Variants in GALNT13 observed in about 807,000 individuals in gnomAD.
GALNT13 encodes polypeptide N-acetylgalactosaminyltransferase 13.
GALNT13 carries 28 observed loss-of-function variants against 64.2 expected under a neutral mutation model. The observed-to-expected ratio is 0.44, with a 90% CI of 0.32 to 0.60. GALNT13 has a LOEUF of 0.60. GALNT13 is among the 20% of genes least tolerant of loss of function. GALNT13 has a pLI of 0.05. For missense variants in GALNT13, 577 were observed against 669.8 expected, an observed-to-expected ratio of 0.86 and a Z score of 1.53; for synonymous variants, 214 against 224.6, an observed-to-expected ratio of 0.95 and a Z score of 0.42.
At chr2:153,681,972 A>G in the GALNT13 span, among the ~76,000 whole-genome samples, 1 of 151,706 alleles carries the variant, frequency 6.6e-6, no homozygotes, top group Non-Finnish European at 1.5e-5. Flanking sequence ...TCTCCTATGT[A>G]CCAAGCATAG....
chr2:153,679,471 A>G, the GALNT13 span, among the ~76,000 whole-genome samples: 1 of 151,918 alleles, frequency 6.6e-6, no homozygotes, highest in Non-Finnish European at 1.5e-5. Flanking sequence ...AAATGACAAC[A>G]TAAACTCAGT....
the GALNT13 span, among the ~76,000 whole-genome samples, chr2:153,623,443 A>G: frequency 2.6e-5 from 4 of 152,050 alleles, no homozygotes; most frequent in Admixed American, 1.3e-4. Context: ...ATCTTTATAA[A>G]TGCCGCTCCA....
chr2:153,590,593 A>C, the GALNT13 span, among the ~76,000 whole-genome samples: 1 of 152,282 alleles, frequency 6.6e-6, no homozygotes, highest in South Asian at 2.1e-4. Context: ...CAAAATACTG[A>C]AAACCAAATT....
the GALNT13 span, among the ~76,000 whole-genome samples, chr2:153,851,661 C>T: frequency 2.0e-5 from 3 of 152,004 alleles, no homozygotes. Context: ...GATCTCATTG[C>T]ACTTCAGCCT....
chr2:153,752,301 T>TTG, the GALNT13 span, among the ~76,000 whole-genome samples: 2 of 151,978 alleles, frequency 1.3e-5, no homozygotes, highest in East Asian at 1.9e-4. Flanking sequence ...CTGTGTTTTT[T>TTG]TGTGTGTGTG....
chr2:153,106,685 C>T, the GALNT13 span, among the ~76,000 whole-genome samples: 1 of 152,178 alleles, frequency 6.6e-6, no homozygotes, highest in Admixed American at 6.5e-5. Context: ...AAATGTAGGT[C>T]TGAGCCTATA....
the GALNT13 span, among the ~76,000 whole-genome samples, chr2:153,499,070 T>C: frequency 6.6e-6 from 1 of 152,090 alleles, no homozygotes; most frequent in Non-Finnish European, 1.5e-5. Flanking sequence ...ATGGTCTCGA[T>C]CTGATCTCCT....
chr2:153,786,065 C>A, the GALNT13 span, among the ~76,000 whole-genome samples: 2 of 151,884 alleles, frequency 1.3e-5, no homozygotes, highest in Admixed American at 1.3e-4. Flanking sequence ...CTCCAAATTC[C>A]TTGGAGGTGG....
At chr2:153,970,413 T>C (rs1262073714) in intron 3 of GALNT13, among the ~76,000 whole-genome samples, 3 of 152,184 alleles carry the variant, frequency 2.0e-5, no homozygotes, top group Non-Finnish European at 4.4e-5. Flanking sequence ...CTTCACAATA[T>C]CCTTTGCAGG....
At chr2:153,906,816 G>T (rs1206819839) in intron 2 of GALNT13, among the ~76,000 whole-genome samples, 1 of 151,804 alleles carries the variant, frequency 6.6e-6, no homozygotes, top group African/African-American at 2.4e-5. Flanking sequence ...CTGAGGAATC[G>T]CCACACTGAC....
At chr2:153,198,100 C>A in the GALNT13 span, among the ~76,000 whole-genome samples, 17 of 152,156 alleles carry the variant, frequency 1.1e-4, no homozygotes, top group Non-Finnish European at 1.6e-4. Flanking sequence ...TATGAGGGCT[C>A]TTAGTGAGCC....
the GALNT13 span, among the ~76,000 whole-genome samples, chr2:153,345,599 C>A: frequency 7.2e-6 from 1 of 139,646 alleles, no homozygotes; most frequent in Non-Finnish European, 1.6e-5. Flanking sequence ...CCCACGTGCC[C>A]TCCCATTTCT....
At chr2:154,067,662 CAAAG>C (rs1314285427) in intron 3 of GALNT13, among the ~76,000 whole-genome samples, 2 of 151,932 alleles carry the variant, frequency 1.3e-5, no homozygotes, top group African/African-American at 4.8e-5. Context: ...TAAAAAGAGA[CAAAG>C]AAACATTGGA....
intron 1 of GALNT13, among the ~76,000 whole-genome samples, chr2:153,892,056 A>G (rs1425656459): frequency 1.3e-5 from 2 of 151,832 alleles, no homozygotes; most frequent in African/African-American, 2.4e-5. Context: ...AAATTATTCT[A>G]TTTTCTGTGT....
At chr2:153,136,848 CCACACACA>C in the GALNT13 span, among the ~76,000 whole-genome samples, 24 of 148,328 alleles carry the variant, frequency 1.6e-4, no homozygotes, top group African/African-American at 5.2e-4. Context: ...GGTGTTTGCA[CCACACACA>C]CACACACACA....
At chr2:153,991,391 T>A (rs1695147947) in intron 3 of GALNT13, among the ~76,000 whole-genome samples, 1 of 152,018 alleles carries the variant, frequency 6.6e-6, no homozygotes, top group South Asian at 2.1e-4. Context: ...CCGAGTCAGA[T>A]ATATTATGAG....
At chr2:154,063,982 G>C (rs117069910) in intron 3 of GALNT13, among the ~76,000 whole-genome samples, 2 of 152,178 alleles carry the variant, frequency 1.3e-5, no homozygotes, top group Non-Finnish European at 2.9e-5. Flanking sequence ...GCACAGAAGA[G>C]GGTAGGAAAG....
the GALNT13 span, among the ~76,000 whole-genome samples, chr2:153,242,847 G>C: frequency 1.3e-5 from 2 of 152,120 alleles, no homozygotes; most frequent in Admixed American, 1.3e-4. Context: ...CCCCATTCTG[G>C]GAAAAAATGT....
the GALNT13 span, among the ~76,000 whole-genome samples, chr2:153,194,678 A>T: frequency 6.6e-6 from 1 of 152,188 alleles, no homozygotes; most frequent in African/African-American, 2.4e-5. Flanking sequence ...TTTCATTGAT[A>T]TTAGCACCTT....
Sources: allele counts gnomAD v4.1 joint callset (sites outside exome capture counted in the v4.1 genomes callset), GRCh38; gene constraint gnomAD v4.1.1; transcripts MANE v1.5; gene names NCBI Gene and HGNC (gene_info 2026-07-23, HGNC 2026-07-21).